MICAL1: variants seen among roughly 807,000 people sequenced by gnomAD.
MICAL1 encodes [F-actin]-monooxygenase MICAL1.
Under a neutral mutation model 131.8 loss-of-function variants are expected in MICAL1, and 95 were observed. That is an observed-to-expected ratio of 0.72 (90% CI 0.61 to 0.86). MICAL1 has a LOEUF of 0.86. Ranked by LOEUF, MICAL1 falls within the 40% of genes least tolerant of loss-of-function variation. The pLI, the probability that MICAL1 is intolerant of heterozygous loss-of-function variation, is 0.00. For synonymous variants in MICAL1, 546 were observed against 554.2 expected (o/e 0.99, Z 0.21); for missense variants, 1,292 against 1,380.6 (o/e 0.94, Z 1.02).
Position 109,447,914 on chromosome 6 carries a change from A to G in MICAL1, c.1905T>C (p.Leu635=). 6.2e-7 allele frequency: 1 copy of G among 1,613,322 alleles called. No individual in the cohort carries two copies. The highest frequency in any genetic ancestry group is 8.5e-7 in the Non-Finnish European group (1 of 1,179,598). Residue 635 remains leucine (L), a synonymous_variant, in exon 14 of 25, where the codon CTT becomes CTC. Coordinates refer to ENST00000358807, the MANE Select transcript of MICAL1 (RefSeq NM_022765.4). ...SPGTSSAVLF[L]SKLQRTLQRS... is the part of the protein sequence containing the mutation. ...GCTGCAGGGTCCTCTGAAGTTTACT[A>G]AGGAATAATACAGCACTGGAGGTCC... is the stretch of plus-strand genomic sequence containing the variant.
At chr6:109,453,606 C>T in intron 3 of MICAL1, 32 bp downstream of exon 3, 1 of 1,559,362 alleles carries the variant, frequency 6.4e-7, no homozygotes, top group South Asian at 1.2e-5. Context: ...CCCAAGCTCA[C>T]CCGCCCCTCC....
Position 109,448,315 on chromosome 6 carries a change from GC to G in MICAL1, c.1742del (p.Gly581AlafsTer12). On this transcript the variant is annotated frameshift_variant, in exon 13 of 25. Transcript: ENST00000358807. LOFTEE classifies it high-confidence loss of function. ...CCTGTGCAGACACCACCGGTGTGAT[GC>G]CCAGCTCATTCTCTGCCACCTTTAG... ...WALKVAENEL[G>X]ITPVVSAQAV... is the part of the protein sequence containing the mutation. 1 of 1,614,046 alleles carries G rather than the reference GC, an allele frequency of 6.2e-7. No homozygotes were observed. The highest frequency in any genetic ancestry group is 8.5e-7 in the Non-Finnish European group (1 of 1,180,024).
intron 1 of MICAL1, among the ~76,000 whole-genome samples, chr6:109,461,307 G>A (rs1221869020): frequency 6.6e-6 from 1 of 152,104 alleles, no homozygotes; most frequent in Non-Finnish European, 1.5e-5. Flanking sequence ...TTTTATGGCT[G>A]CATAGTATTC....
chr6:109,448,107 C>T (rs1178813004), intron 13 of MICAL1, 96 bp downstream of exon 13: 1 of 1,380,586 alleles, frequency 7.2e-7, no homozygotes, highest in Non-Finnish European at 9.7e-7. Context: ...GACACACACA[C>T]ACACACACAC....
Position 109,450,309 on chromosome 6 carries a change from G to A in MICAL1, c.1182C>T (p.Cys394=). The change falls in exon 8 of 25, where the codon TGC becomes TGT. Residue 394 remains cysteine (C), a synonymous_variant. Transcript: ENST00000358807. ...CTCCTGAACCCCTCACCTCCACCAG[G>A]CAGTCCCCCACCAGTCCCAGCAGCA... The part of the protein sequence containing the change: ...ARLLLGLVGD[C]LVEPFWPLGT... The A allele has an allele frequency of 6.2e-7, 1 of 1,604,724 alleles. No individual in the cohort carries two copies. The highest frequency in any genetic ancestry group is 8.5e-7 in the Non-Finnish European group (1 of 1,173,140).
intron 6 of MICAL1, 40 bp downstream of exon 6, chr6:109,452,206 C>T: frequency 4.4e-6 from 7 of 1,582,614 alleles, no homozygotes; most frequent in Non-Finnish European, 6.0e-6. Context: ...AGGCCACAGT[C>T]AGGCAGGGGG....
At position 109,465,573 on chromosome 6, in the gene MICAL1, C is replaced by T. The variant is rs113793425; in HGVS notation, c.14+91G>A. 8.6e-6 allele frequency: 12 copies of T among 1,390,084 alleles called. No individual in the cohort carries two copies. The African/African-American group carries it at 1.4e-4, about 17-fold the overall frequency. The allele number at this position is 1,390,084 out of a possible 1,614,324, so 86.1% of individuals were successfully genotyped here. On this transcript the variant is annotated intron_variant, in intron 1 of 24. Transcript: ENST00000630715. ...TACAGAAAAACTGAGATCAATGCCC[C>T]CAAAGAAAAACTACCCGAGTCTTTA...
At chr6:109,453,882 G>A (rs1180071891) in intron 2 of MICAL1, 37 bp from the exon 3 acceptor site, 2 of 1,610,308 alleles carry the variant, frequency 1.2e-6, no homozygotes, top group African/African-American at 1.3e-5. Context: ...ATGGCATCCT[G>A]TCCGTCCTCT....
chr6:109,448,446 G>A, intron 12 of MICAL1, 53 bp from the exon 13 acceptor site: 1 of 1,593,412 alleles, frequency 6.3e-7, no homozygotes, highest in African/African-American at 1.3e-5. Context: ...TAGCCCCACT[G>A]AGGGGAGGAA....
chr6:109,453,819 G>C lies in MICAL1; in HGVS notation c.285C>G (p.Cys95Trp), dbSNP rs147861991. ...CCAGCTCCACAGCGACCCGCAGCCC[G>C]CAAGGTCCAGCACCCACCACCAGGC... Reference protein sequence around the residue: ...TKCLVVGAGPCGLRVAVELAL... With the variant: ...TKCLVVGAGPWGLRVAVELAL... The change falls in exon 3 of 25, where the codon TGC (cysteine) becomes TGG (tryptophan). Residue 95 changes from cysteine to tryptophan, a missense_variant. Transcript: ENST00000358807. The C allele has an allele frequency of 3.7e-6, 6 of 1,613,412 alleles. No individual in the cohort carries two copies. Among genetic ancestry groups the C allele is most frequent in the Non-Finnish European group, 5.1e-6 (6 of 1,180,014 alleles).
Position 109,453,982 on chromosome 6 carries a change from C to G in MICAL1, c.215G>C (p.Gly72Ala), listed in dbSNP as rs757913471. ...CCGGCCCTGCTGGTAGACAGGCTGG[C>G]CTGCTCGCTTGTCCAGCTTGGTCCA... ...SLWTKLDKRA[G>A]QPVYQQGRAC... The change falls in exon 2 of 25, where the codon GGC (glycine) becomes GCC (alanine). Residue 72 changes from glycine (G) to alanine (A), a missense_variant. Transcript: ENST00000358807. 16 of 1,613,972 alleles carry G rather than the reference C, an allele frequency of 9.9e-6. No homozygotes were observed. Among genetic ancestry groups the G allele is most frequent in the Non-Finnish European group, 1.3e-5 (15 of 1,180,034 alleles).
Position 109,444,195 on chromosome 6 carries a change from C to T in MICAL1, c.3200G>A (p.Gly1067Asp), listed in dbSNP as rs371990353. 1.2e-6 allele frequency: 2 copies of T among 1,612,622 alleles called. No individual in the cohort carries two copies. Among genetic ancestry groups the T allele is most frequent in the Non-Finnish European group, 1.7e-6 (2 of 1,179,884 alleles). Residue 1067 changes from glycine (G) to aspartate (D), a missense_variant, in exon 25 of 25, where the codon GGC (glycine) becomes GAC (aspartate). Transcript: ENST00000358807. Reference protein sequence around the residue: ...SELALGTGAQG With the variant: ...SELALGTGAQD ...AAGCAGACGGCCCACCCTCGTCTAG[C>T]CCTGGGCCCCTGTCCCCAAGGCCAG...
At chr6:109,446,019 C>T in intron 19 of MICAL1, 117 bp downstream of exon 19, 1 of 1,467,270 alleles carries the variant, frequency 6.8e-7, no homozygotes, top group African/African-American at 1.4e-5. Flanking sequence ...AGAGGAGAGG[C>T]TGCCACGGCC....
At chr6:109,452,913 T>G (rs145042226) in intron 4 of MICAL1, among the ~76,000 whole-genome samples, 2 of 152,134 alleles carry the variant, frequency 1.3e-5, no homozygotes, top group South Asian at 2.1e-4. Flanking sequence ...TCCCAGCACT[T>G]TGGGAGACCG....
rs753028348 is a variant in MICAL1, at chr6:109,445,773, G to GA, written c.2670_2671insT (p.Gln891SerfsTer15). The GA allele has an allele frequency of 4.3e-6, 7 of 1,610,366 alleles. No homozygotes were observed. Among genetic ancestry groups the GA allele is most frequent in the Non-Finnish European group, 4.2e-6 (5 of 1,178,584 alleles). On this transcript the variant is annotated frameshift_variant, in exon 20 of 25. Transcript: ENST00000358807. LOFTEE classifies it high-confidence loss of function. ...TGGCTGCACGCTGGCCCACTCACCT[G>GA]TTCCACATCTGAGTCCAAAGGCACA... is the stretch of plus-strand genomic sequence containing the variant.
In MICAL1 at chr6:109,449,818, T is replaced by A. The variant is rs755013884; in HGVS notation, c.1308-35A>T. ...TGAGGGTAAGGGGCAGGGGCATGAA[T>A]GGGAGGGCACCTGTCAGCACCCACC... On this transcript the variant is annotated intron_variant, in intron 9 of 24. Coordinates refer to ENST00000358807, the MANE Select transcript of MICAL1 (RefSeq NM_022765.4). 4.0e-5 allele frequency: 64 copies of A among 1,594,050 alleles called. 1 individual carries two copies. In the South Asian group the frequency reaches 6.9e-4, roughly 17 times the overall value.
upstream of MICAL1, chr6:109,455,901 G>A (rs1186051726): frequency 3.9e-5 from 38 of 985,522 alleles, no homozygotes; most frequent in Non-Finnish European, 4.5e-5. The surrounding 1 kb of genome is among the most constrained non-coding windows in gnomAD (Gnocchi z 4.7). Flanking sequence ...CGAGGGGCGC[G>A]GGGCGCCGCC....
upstream of MICAL1, among the ~76,000 whole-genome samples, chr6:109,457,860 T>G (rs1775795418): frequency 6.6e-6 from 1 of 152,234 alleles, no homozygotes; most frequent in East Asian, 1.9e-4. Context: ...AATTAAATAC[T>G]TAACATGGGG....
chr6:109,446,522 T>A, intron 18 of MICAL1, 110 bp from the exon 19 acceptor site: 2 of 1,454,902 alleles, frequency 1.4e-6, no homozygotes, highest in African/African-American at 2.9e-5. Context: ...AGTGTCTGGC[T>A]GTGTTTTAGA....
Sources: gnomAD v4.1 joint callset for allele counts (sites outside exome capture counted in the v4.1 genomes callset) on GRCh38, gnomAD v4.1.1 for gene constraint, Gnocchi (gnomAD v3.1) non-coding constraint, MANE v1.5 for transcripts, NCBI Gene and HGNC (gene_info 2026-07-23, HGNC 2026-07-21) for gene names.